Variants in CYB561A3 observed in about 807,000 individuals in gnomAD.
CYB561A3 encodes lysosomal membrane ascorbate-dependent ferrireductase CYB561A3.
Under a neutral mutation model 25.3 loss-of-function variants are expected in CYB561A3, and 16 were observed. The observed-to-expected ratio is 0.63, with a 90% CI of 0.43 to 0.96. The LOEUF (loss-of-function observed/expected upper bound fraction) is 0.96, where lower values mean the gene tolerates loss of function less well. Ranked by LOEUF, CYB561A3 falls within the 40% of genes least tolerant of loss-of-function variation. The probability of loss-of-function intolerance (pLI) is 0.00; values close to 1 mark genes in which losing one functional copy is unlikely to be tolerated. For missense variants in CYB561A3, 219 were observed against 307.5 expected, an observed-to-expected ratio of 0.71 and a Z score of 2.15; for synonymous variants, 131 against 129.9, an observed-to-expected ratio of 1.01 and a Z score of -0.06.
intron 5 of CYB561A3, chr11:61,352,489 G>A (rs776201569): frequency 4.7e-4 from 79 of 166,406 alleles, no homozygotes; most frequent in Non-Finnish European, 7.0e-4. Flanking sequence ...GTGAAACCCC[G>A]TCCCTACTAA....
At chr11:61,354,794 C>T (rs942734986) in intron 3 of CYB561A3, 6 of 151,698 alleles carry the variant, frequency 4.0e-5, no homozygotes, top group African/African-American at 1.5e-4. Flanking sequence ...TGGCTGTCAA[C>T]ACAGGTACTA....
chr11:61,349,615 C>A lies in CYB561A3; in HGVS notation c.*784G>T, dbSNP rs371157549. On this transcript the variant is annotated 3_prime_UTR_variant, in exon 7 of 7. Transcript: ENST00000294072. ...AGACACGTAAGTCACAGGGAAAGGC[C>A]GGGATCCAGGCCTCAGCTGTAGCAG... is the stretch of plus-strand genomic sequence containing the variant. 4.0e-5 allele frequency: 28 copies of A among 702,822 alleles called. No homozygotes were observed. The highest frequency in any genetic ancestry group is 2.1e-4 in the East Asian group (8 of 37,302). The allele number at this position is 702,822 out of a possible 1,614,324, so 43.5% of individuals were successfully genotyped here.
At position 61,350,387 on chromosome 11, in the gene CYB561A3, C is replaced by G. The variant is rs566500967; in HGVS notation, c.*12G>C. 1.4e-5 allele frequency: 22 copies of G among 1,608,404 alleles called. No individual in the cohort carries two copies. In the South Asian group the frequency reaches 2.1e-4, roughly 16 times the overall value. On this transcript the variant is annotated 3_prime_UTR_variant, in exon 7 of 7. Transcript: ENST00000294072. ...CACCACCAGGAGCTCTTGGGAGCCC[C>G]TTCCTGCTGCTTCACTCCCCATCAT...
intron 4 of CYB561A3, 181 bp downstream of exon 4, chr11:61,353,601 CAG>C (rs773677272): frequency 7.1e-5 from 54 of 757,254 alleles, no homozygotes; most frequent in Non-Finnish European, 1.2e-4. Context: ...ATAAAAGGAA[CAG>C]GGTAAGTTCA....
chr11:61,355,576 G>A (rs1344343537), intron 3 of CYB561A3, among the ~76,000 whole-genome samples: 1 of 151,938 alleles, frequency 6.6e-6, no homozygotes, highest in Non-Finnish European at 1.5e-5. Context: ...AGGTACTTGG[G>A]AGGCTGAGGC....
intron 6 of CYB561A3, chr11:61,350,757 T>TG (rs1301618124): frequency 1.1e-5 from 7 of 614,520 alleles, no homozygotes; most frequent in African/African-American, 5.5e-5. Context: ...CACAGTGATT[T>TG]GGGGGGGAAA....
intron 5 of CYB561A3, 34 bp from the exon 6 acceptor site, chr11:61,351,181 G>A: frequency 6.4e-7 from 1 of 1,574,358 alleles, no homozygotes; most frequent in Non-Finnish European, 8.6e-7. Context: ...GCCCTCGAGA[G>A]ATTTTTCCAC....
chr11:61,355,809 G>A (rs1408424428), intron 3 of CYB561A3, among the ~76,000 whole-genome samples: 1 of 152,144 alleles, frequency 6.6e-6, no homozygotes, highest in Non-Finnish European at 1.5e-5. Flanking sequence ...TACAGCTCAG[G>A]TCGGGCATGA....
At position 61,353,108 on chromosome 11, in the gene CYB561A3, G is replaced by A. The variant is rs1857496205; in HGVS notation, c.425C>T (p.Pro142Leu). The A allele has an allele frequency of 6.2e-7, 1 of 1,612,526 alleles. No homozygotes were observed. The highest frequency in any genetic ancestry group is 1.1e-5 in the South Asian group (1 of 90,942). ...WFLGFAVFLL[P>L]WASMWLRSLL... ...GCTGCGCAGCCACATGGACGCCCAG[G>A]GCAGGAGGAAGACAGCAAAGCCCAG... Residue 142 changes from proline to leucine, a missense_variant, in exon 5 of 7, where the codon CCC becomes CTC. Physicochemically the swap from Pro to Leu is moderately conservative, Grantham distance 98 (BLOSUM62 -3). Coordinates refer to ENST00000294072, the MANE Select transcript of CYB561A3 (RefSeq NM_153611.6).
chr11:61,351,284 CTTTTTTTTTTTTTT>C (rs909648792), intron 5 of CYB561A3, 137 bp from the exon 6 acceptor site: 2 of 292,110 alleles, frequency 6.8e-6, no homozygotes, highest in Non-Finnish European at 1.1e-5. Flanking sequence ...AACACCCTTT[CTTTTTTTTTTTTTT>C]TTTTTTTTTG....
At position 61,353,810 on chromosome 11, in the gene CYB561A3, T is replaced by C; in HGVS notation, c.367A>G (p.Thr123Ala). 6.2e-7 allele frequency: 1 copy of C among 1,614,154 alleles called. No homozygotes were observed. Among genetic ancestry groups the C allele is most frequent in the Non-Finnish European group, 8.5e-7 (1 of 1,180,028 alleles). Residue 123 changes from threonine to alanine, a missense_variant, in exon 4 of 7, where the codon ACC becomes GCC. By Grantham distance (58) the Thr-to-Ala change is moderately conservative. Transcript: ENST00000294072. ...TGGCAGGCGAAGAGGAAGACAGTGG[T>C]GATGCCCAGCCAGCTGTGAAGGGAG... is the stretch of plus-strand genomic sequence containing the variant. Reference protein sequence around the residue: ...LYSLHSWLGITTVFLFACQWF... With the variant: ...LYSLHSWLGIATVFLFACQWF...
rs756679422 is a variant in CYB561A3 at position 61,353,831 on chromosome 11, G to C, written c.346C>G (p.Leu116Val). The change falls in exon 4 of 7, where the codon CTT (leucine) becomes GTT (valine). Residue 116 changes from leucine (L) to valine (V), a missense_variant. Physicochemically the swap from Leu to Val is conservative, Grantham distance 32 (BLOSUM62 1). Coordinates refer to ENST00000294072, the MANE Select transcript of CYB561A3 (RefSeq NM_153611.6). ...NHGRTANLYS[L>V]HSWLGITTVF... Reference sequence around the variant, plus strand: ...GTGGTGATGCCCAGCCAGCTGTGAAGGGAGTAGAGGTTGGCAGTCCTTCCA... The same window carrying C: ...GTGGTGATGCCCAGCCAGCTGTGAACGGAGTAGAGGTTGGCAGTCCTTCCA... The C allele has an allele frequency of 2.5e-6, 4 of 1,614,232 alleles. No homozygotes were observed. In the East Asian group the frequency reaches 8.9e-5, roughly 36 times the overall value.
At position 61,349,357 on chromosome 11, in the gene CYB561A3, A is replaced by T. The variant is rs770223455; in HGVS notation, c.*1042T>A. ...AGGGCTGCTGCACACTGGACACCAC[A>T]ACTTTGGCATCAGCTGCATGGTGAG... is the stretch of plus-strand genomic sequence containing the variant. On this transcript the variant is annotated 3_prime_UTR_variant, in exon 7 of 7. Coordinates refer to ENST00000294072, the MANE Select transcript of CYB561A3 (RefSeq NM_153611.6). The T allele has an allele frequency of 1.7e-6, 1 of 572,554 alleles. No individual in the cohort carries two copies. The highest frequency in any genetic ancestry group is 3.2e-6 in the Non-Finnish European group (1 of 315,962). The allele number at this position is 572,554 out of a possible 1,614,324, so 35.5% of individuals were successfully genotyped here.
intron 2 of CYB561A3, chr11:61,357,427 A>G (rs1227543651): frequency 1.8e-6 from 1 of 555,298 alleles, no homozygotes; most frequent in Non-Finnish European, 3.2e-6. Flanking sequence ...CCAGAAAGCA[A>G]GAGATTTATT....
intron 2 of CYB561A3, chr11:61,357,417 C>G: frequency 1.8e-6 from 1 of 567,504 alleles, no homozygotes; most frequent in Non-Finnish European, 3.1e-6. Context: ...AACTCATGGT[C>G]CAGAAAGCAA....
At chr11:61,352,286 C>G (rs1272040801) in intron 5 of CYB561A3, 1 of 143,814 alleles carries the variant, frequency 7.0e-6, no homozygotes, top group African/African-American at 2.5e-5. Context: ...GGGTAAGTTA[C>G]GTAACCCCTC....
At chr11:61,359,217 C>G (rs1437955583) in intron 1 of CYB561A3, 1 of 140,554 alleles carries the variant, frequency 7.1e-6, no homozygotes, top group Non-Finnish European at 1.5e-5. Context: ...GAGTGAGACT[C>G]TGTCTCAAAA....
In CYB561A3 at chr11:61,349,909, A is replaced by C; in HGVS notation, c.*490T>G. 2.0e-6 allele frequency: 1 copy of C among 508,122 alleles called. No homozygotes were observed. The highest frequency in any genetic ancestry group is 1.9e-5 in the African/African-American group (1 of 51,860). 31.5% of individuals were successfully genotyped at this position (508,122 alleles called of 1,614,324 possible). A position where few individuals can be genotyped will look rare whatever the true frequency, so the allele number is the denominator to read the frequency against. Reference sequence around the variant, plus strand: ...AGTGGACGGACACCTCACCTCCCTCATGTTTCACACCGTGGACTGCACTTG... The same window carrying C: ...AGTGGACGGACACCTCACCTCCCTCCTGTTTCACACCGTGGACTGCACTTG... On this transcript the variant is annotated 3_prime_UTR_variant, in exon 7 of 7. Transcript: ENST00000294072.
At chr11:61,354,202 A>AG (rs1445748494) in intron 3 of CYB561A3, 1 of 603,962 alleles carries the variant, frequency 1.7e-6, no homozygotes, top group Non-Finnish European at 2.9e-6. Context: ...TTAAAAAGGG[A>AG]GGAGTGGTCA....
Sources: gnomAD v4.1 joint callset for allele counts (sites outside exome capture counted in the v4.1 genomes callset) on GRCh38, gnomAD v4.1.1 for gene constraint, MANE v1.5 for transcripts, NCBI Gene and HGNC (gene_info 2026-07-23, HGNC 2026-07-21) for gene names.